Variants in DTL observed in about 807,000 individuals in gnomAD.
DTL encodes denticleless protein homolog.
Under a neutral mutation model 87.0 loss-of-function variants are expected in DTL, and 46 were observed. The ratio of observed to expected loss-of-function variants is 0.53; its 90% confidence interval spans 0.42 to 0.68. The LOEUF is 0.68. Ranked by LOEUF, DTL falls within the 30% of genes least tolerant of loss-of-function variation. DTL has a pLI of 0.00. For synonymous variants in DTL, 308 were observed against 311.2 expected, an observed-to-expected ratio of 0.99 and a Z score of 0.11; for missense variants, 737 against 869.4, an observed-to-expected ratio of 0.85 and a Z score of 1.91.
chr1:212,046,462 C>G (rs558961885), intron 3 of DTL, among the ~76,000 whole-genome samples: 3 of 152,248 alleles, frequency 2.0e-5, no homozygotes, highest in Admixed American at 6.5e-5. Flanking sequence ...CCTCAAGAGG[C>G]CCCAGTGTGT....
rs1654888702 is a variant in DTL at position 212,078,174 on chromosome 1, T to G, written c.1037T>G (p.Val346Gly). Residue 346 changes from valine to glycine, a missense_variant and splice_region_variant, in exon 12 of 15, where the codon GTC (valine) becomes GGC (glycine). Coordinates refer to ENST00000366991, the MANE Select transcript of DTL (RefSeq NM_016448.4). ...SSDEAAYIWK[V>G]STPWQPPTVL... is the part of the protein sequence containing the mutation. ...CTTGTTTGTTTTTGATTGGACTAGG[T>G]CTCCACACCCTGGCAACCTCCTACT... The G allele has an allele frequency of 6.3e-7, 1 of 1,598,538 alleles. No homozygotes were observed. The highest frequency in any genetic ancestry group is 1.1e-5 in the South Asian group (1 of 90,750).
chr1:212,084,139 G>A (rs2102570767), intron 13 of DTL, among the ~76,000 whole-genome samples: 1 of 151,710 alleles, frequency 6.6e-6, no homozygotes, highest in Middle Eastern at 3.4e-3. Context: ...TCTGGTTTCT[G>A]TAGTCTTTGA....
intron 1 of DTL, among the ~76,000 whole-genome samples, chr1:212,038,180 A>G (rs1034122344): frequency 1.3e-5 from 2 of 152,358 alleles, no homozygotes; most frequent in East Asian, 1.9e-4. Context: ...GAAAACCCCT[A>G]TGAACATGGG....
Position 212,102,956 on chromosome 1 carries a change from A to C in DTL, c.*16A>C, listed in dbSNP as rs778007938. 1.4e-6 allele frequency: 2 copies of C among 1,476,252 alleles called. No individual in the cohort carries two copies. The highest frequency in any genetic ancestry group is 1.9e-6 in the Non-Finnish European group (2 of 1,062,190). The allele number at this position is 1,476,252 out of a possible 1,614,324, so 91.4% of individuals were successfully genotyped here. ...AGAATTATAGATTCTAATCTGAGTG[A>C]GTTACTGAGCTTTGGTCCACTAAAA... On this transcript the variant is annotated 3_prime_UTR_variant, in exon 15 of 15. Transcript: ENST00000366991.
At chr1:212,101,188 CTATT>C in intron 14 of DTL, 104 bp downstream of exon 14, 4 of 843,556 alleles carry the variant, frequency 4.7e-6, no homozygotes, top group Non-Finnish European at 5.2e-6. Context: ...AGAAAGAAAT[CTATT>C]TATTCCTAGT....
At position 212,104,670 on chromosome 1, in the gene DTL, T is replaced by A. The variant is rs1391876585; in HGVS notation, c.*1730T>A. ...CTCCTGGCAGCCCTACTGAGTGAAA[T>A]TGGGATACATTTGGCTGTCAGAAAT... is the stretch of plus-strand genomic sequence containing the variant. On this transcript the variant is annotated 3_prime_UTR_variant, in exon 15 of 15. Coordinates refer to ENST00000366991, the MANE Select transcript of DTL (RefSeq NM_016448.4). The A allele has an allele frequency of 6.6e-6, 1 of 152,146 alleles. No homozygotes were observed. Among genetic ancestry groups the A allele is most frequent in the African/African-American group, 2.4e-5 (1 of 41,418 alleles). The allele number at this position is 152,146 out of a possible 1,614,324, so 9.4% of individuals were successfully genotyped here. A position where few individuals can be genotyped will look rare whatever the true frequency, so the allele number is the denominator to read the frequency against.
chr1:212,097,436 T>C lies in DTL; in HGVS notation c.1262-2816T>C, dbSNP rs191809628. On this transcript the variant is annotated intron_variant, in intron 13 of 14. Transcript: ENST00000366991. The stretch of plus-strand genomic sequence containing the variant: ...AGTTTTTATTCTTTTGCCTTTGTCT[T>C]TGTTGAATTGGGTTAATTCAAGAGC... Among the ~76,000 whole-genome samples the C allele has an allele frequency of 6.6e-5, 10 of 152,300 alleles. No homozygotes were observed. In the East Asian group the frequency reaches 1.9e-3, roughly 29 times the overall value.
chr1:212,045,304 A>G (rs1486058693), intron 3 of DTL, among the ~76,000 whole-genome samples: 1 of 152,240 alleles, frequency 6.6e-6, no homozygotes, highest in African/African-American at 2.4e-5. Flanking sequence ...TTAGATGTGA[A>G]TGGTGGACTG....
chr1:212,037,163 T>C (rs1362318374), intron 1 of DTL, among the ~76,000 whole-genome samples: 1 of 152,198 alleles, frequency 6.6e-6, no homozygotes. Flanking sequence ...CTTCCACACC[T>C]TACTATATGT....
At position 212,104,720 on chromosome 1, in the gene DTL, A is replaced by G. The variant is rs565636100; in HGVS notation, c.*1780A>G. On this transcript the variant is annotated 3_prime_UTR_variant, in exon 15 of 15. Transcript: ENST00000366991. ...TTATACCGAGTCTACTGGGTATAACATGTCTCACTTGGAAAGCTAGTACTT... is the reference window on the plus strand; with the variant it reads ...TTATACCGAGTCTACTGGGTATAACGTGTCTCACTTGGAAAGCTAGTACTT... The G allele has an allele frequency of 6.6e-6, 1 of 152,320 alleles. No individual in the cohort carries two copies. Among genetic ancestry groups the G allele is most frequent in the African/African-American group, 2.4e-5 (1 of 41,554 alleles). The allele number at this position is 152,320 out of a possible 1,614,324, so 9.4% of individuals were successfully genotyped here.
intron 13 of DTL, among the ~76,000 whole-genome samples, chr1:212,094,015 G>A (rs1016290148): frequency 6.6e-6 from 1 of 152,186 alleles, no homozygotes; most frequent in African/African-American, 2.4e-5. Context: ...TTTGTTGGTT[G>A]CATAGATTGT....
chr1:212,044,494 C>T (rs1255503120), intron 2 of DTL, among the ~76,000 whole-genome samples, 166 bp from the exon 3 acceptor site: 1 of 151,888 alleles, frequency 6.6e-6, no homozygotes, highest in Non-Finnish European at 1.5e-5. Flanking sequence ...ATCCCACCTA[C>T]TTGGGATGCT....
intron 7 of DTL, 77 bp from the exon 8 acceptor site, chr1:212,066,735 T>G: frequency 1.4e-6 from 2 of 1,421,308 alleles, no homozygotes; most frequent in Non-Finnish European, 2.0e-6. Context: ...GAAAAGTCGT[T>G]TTTTAGCACC....
At chr1:212,092,999 T>C (rs1301081571) in intron 13 of DTL, among the ~76,000 whole-genome samples, 3 of 152,224 alleles carry the variant, frequency 2.0e-5, no homozygotes, top group Admixed American at 2.0e-4. Flanking sequence ...ATTAGTGATG[T>C]TGAGCATTTT....
chr1:212,048,156 C>G (rs1335345978), intron 5 of DTL, among the ~76,000 whole-genome samples: 2 of 151,986 alleles, frequency 1.3e-5, no homozygotes, highest in Non-Finnish European at 2.9e-5. Flanking sequence ...AAAAATTTAT[C>G]ATGTATTTGG....
intron 5 of DTL, among the ~76,000 whole-genome samples, chr1:212,049,450 TA>T (rs1667898722): frequency 6.6e-6 from 1 of 152,124 alleles, no homozygotes; most frequent in African/African-American, 2.4e-5. Context: ...AACTAAAGAG[TA>T]GTGGAAAACA....
intron 13 of DTL, among the ~76,000 whole-genome samples, chr1:212,080,995 G>A (rs1199545012): frequency 6.6e-6 from 1 of 152,072 alleles, no homozygotes; most frequent in East Asian, 1.9e-4. Context: ...GCTGGGCCCT[G>A]TTCTTAGTTG....
intron 1 of DTL, 109 bp from the exon 2 acceptor site, chr1:212,042,884 T>G (rs1253379781): frequency 9.8e-7 from 1 of 1,015,846 alleles, no homozygotes; most frequent in Non-Finnish European, 1.4e-6. Context: ...TAAGTGGATC[T>G]ATGTTAATAT....
chr1:212,035,765 G>T lies in DTL; in HGVS notation c.-126G>T. ...TTTGGCGCGGAGTTTGGCGGCCGGG[G>T]CTTACAGTGGCGGGAGTTGGAGGCG... On this transcript the variant is annotated 5_prime_UTR_variant, in exon 1 of 15. Transcript: ENST00000366991. 1 of 934,758 alleles carries T rather than the reference G, an allele frequency of 1.1e-6. No individual in the cohort carries two copies. The highest frequency in any genetic ancestry group is 1.7e-6 in the Non-Finnish European group (1 of 594,936). 57.9% of individuals were successfully genotyped at this position (934,758 alleles called of 1,614,324 possible).
Sources: gnomAD v4.1 joint callset for allele counts (sites outside exome capture counted in the v4.1 genomes callset) on GRCh38, gnomAD v4.1.1 for gene constraint, MANE v1.5 for transcripts, NCBI Gene and HGNC (gene_info 2026-07-23, HGNC 2026-07-21) for gene names.